RIT2: variants seen among roughly 807,000 people sequenced by gnomAD.
The protein encoded by RIT2 is GTP-binding protein Rit2.
Under a neutral mutation model 23.7 loss-of-function variants are expected in RIT2, and 24 were observed. The observed-to-expected ratio is 1.01, with a 90% CI of 0.73 to 1.43. The LOEUF is 1.43. RIT2 is among the 40% of genes most tolerant of loss of function. The pLI is 0.00. For synonymous variants in RIT2, 107 were observed against 91.1 expected, an observed-to-expected ratio of 1.17 and a Z score of -0.99; for missense variants, 236 against 266.9, an observed-to-expected ratio of 0.88 and a Z score of 0.81.
chr18:43,050,065 C>T (rs1912342425), intron 1 of RIT2, among the ~76,000 whole-genome samples: 1 of 137,044 alleles, frequency 7.3e-6, no homozygotes, highest in African/African-American at 2.7e-5. Context: ...CTTGCTCTGT[C>T]TCCCAGGATG....
At chr18:42,954,503 T>A (rs1909927804) in intron 3 of RIT2, among the ~76,000 whole-genome samples, 1 of 151,448 alleles carries the variant, frequency 6.6e-6, no homozygotes, top group Non-Finnish European at 1.5e-5. Flanking sequence ...TAGAGAGTAA[T>A]CAATTTGATC....
chr18:42,918,402 T>C (rs542100267), intron 4 of RIT2, among the ~76,000 whole-genome samples: 2 of 152,094 alleles, frequency 1.3e-5, no homozygotes, highest in Non-Finnish European at 2.9e-5. Context: ...TATTACAAAA[T>C]GCTATGGAAA....
chr18:42,840,026 C>G lies in RIT2; in HGVS notation c.426+83546G>C, dbSNP rs920742353. On this transcript the variant is annotated intron_variant, in intron 4 of 4. Coordinates refer to ENST00000326695, the MANE Select transcript of RIT2 (RefSeq NM_002930.4). ...TGTCTGTTTTCAACTAAGGGTCAAC[C>G]AAAAAAGGTTGAATGTACACTCTTA... Among the ~76,000 whole-genome samples the G allele has an allele frequency of 3.3e-5, 5 of 152,146 alleles. No homozygotes were observed. The East Asian group carries it at 9.7e-4, about 29-fold the overall frequency.
At chr18:43,061,264 T>C (rs562082628) in intron 1 of RIT2, among the ~76,000 whole-genome samples, 1 of 152,330 alleles carries the variant, frequency 6.6e-6, no homozygotes, top group Non-Finnish European at 1.5e-5. Flanking sequence ...TTATTTTCAC[T>C]AGACTAATAT....
intron 4 of RIT2, among the ~76,000 whole-genome samples, chr18:42,793,607 AAAAC>A (rs532669736): frequency 8.5e-5 from 13 of 152,280 alleles, no homozygotes; most frequent in East Asian, 3.9e-4. Context: ...GTACAGTTAG[AAAAC>A]AAACAAACAA....
chr18:42,864,412 T>C lies in RIT2; in HGVS notation c.426+59160A>G, dbSNP rs1184644802. 2.6e-5 allele frequency among the ~76,000 whole-genome samples: 4 copies of C among 152,206 alleles called. No homozygotes were observed. The East Asian group carries it at 7.7e-4, about 29-fold the overall frequency. On this transcript the variant is annotated intron_variant, in intron 4 of 4. Transcript: ENST00000326695. ...GCCTTTCTGTTGTTGTTATCATTAA[T>C]AGAGTAATTGGGTTTCTATTGCATA...
chr18:42,836,783 A>G (rs2144017450), intron 4 of RIT2, among the ~76,000 whole-genome samples: 1 of 152,284 alleles, frequency 6.6e-6, no homozygotes, highest in East Asian at 1.9e-4. Flanking sequence ...CTCCCTTCAG[A>G]AGGAAAAGAG....
chr18:43,070,132 T>C (rs931197747), intron 1 of RIT2, among the ~76,000 whole-genome samples: 1 of 151,504 alleles, frequency 6.6e-6, no homozygotes, highest in Admixed American at 6.6e-5. Context: ...AAAATAAGAG[T>C]GGGGGGACTT....
intron 1 of RIT2, among the ~76,000 whole-genome samples, chr18:43,095,703 A>G (rs781747700): frequency 1.3e-5 from 2 of 151,990 alleles, no homozygotes; most frequent in African/African-American, 2.4e-5. Flanking sequence ...ACTTATCTGC[A>G]GTATAACTGC....
At chr18:43,076,260 T>C (rs749692037) in intron 1 of RIT2, among the ~76,000 whole-genome samples, 3 of 152,200 alleles carry the variant, frequency 2.0e-5, no homozygotes, top group Non-Finnish European at 4.4e-5. Context: ...CCAGAATGTG[T>C]TGACCGATTT....
In RIT2 at chr18:42,965,681, A is replaced by G. The variant is rs115476422; in HGVS notation, c.234+8393T>C. Among the ~76,000 whole-genome samples the G allele has an allele frequency of 6.3e-3, 822 of 131,414 alleles. 10 individuals are homozygous for G. The highest frequency in any genetic ancestry group is 0.022 in the African/African-American group (781 of 35,450). 86.2% of individuals were successfully genotyped at this position (131,414 alleles called of 152,430 possible). ...TAAAGAAATATAAAAATATAAAAAT[A>G]TGGTGGTAAACAAAGATGTGTACTG... is the stretch of plus-strand genomic sequence containing the variant. On this transcript the variant is annotated intron_variant, in intron 3 of 4. Transcript: ENST00000326695.
chr18:42,841,127 GA>G (rs1906756574), intron 4 of RIT2, among the ~76,000 whole-genome samples: 1 of 152,098 alleles, frequency 6.6e-6, no homozygotes, highest in Non-Finnish European at 1.5e-5. Flanking sequence ...AAATGAGAAA[GA>G]ATGAATGATG....
chr18:42,824,797 G>C (rs995175901), intron 4 of RIT2, among the ~76,000 whole-genome samples: 2 of 151,226 alleles, frequency 1.3e-5, no homozygotes, highest in African/African-American at 4.8e-5. Flanking sequence ...TTAATTATGA[G>C]AGAAAAAAAC....
intron 1 of RIT2, among the ~76,000 whole-genome samples, chr18:43,107,998 C>T (rs1383280558): frequency 1.4e-5 from 1 of 73,184 alleles, no homozygotes; most frequent in Non-Finnish European, 2.7e-5. Context: ...CCCGTCTCTA[C>T]TAAAAATACA....
intron 4 of RIT2, among the ~76,000 whole-genome samples, chr18:42,855,409 A>T (rs1471712865): frequency 6.6e-6 from 1 of 152,228 alleles, no homozygotes; most frequent in Non-Finnish European, 1.5e-5. Flanking sequence ...TACAATTATA[A>T]GAGAGGTTAA....
At chr18:43,039,501 A>C (rs1912077052) in intron 1 of RIT2, among the ~76,000 whole-genome samples, 1 of 151,758 alleles carries the variant, frequency 6.6e-6, no homozygotes. Context: ...GGCATGTGAC[A>C]CCATGCCCGA....
chr18:42,918,858 T>C (rs1490408733), intron 4 of RIT2, among the ~76,000 whole-genome samples: 1 of 152,134 alleles, frequency 6.6e-6, no homozygotes, highest in Non-Finnish European at 1.5e-5. Flanking sequence ...AAAATAACCG[T>C]CACCATTCAC....
At chr18:42,907,065 A>G (rs1351891233) in intron 4 of RIT2, among the ~76,000 whole-genome samples, 1 of 152,194 alleles carries the variant, frequency 6.6e-6, no homozygotes, top group Non-Finnish European at 1.5e-5. Context: ...TAACAAAAAT[A>G]AAAGTAAATT....
intron 2 of RIT2, among the ~76,000 whole-genome samples, chr18:42,990,201 C>T (rs1340227235): frequency 2.0e-5 from 3 of 152,012 alleles, no homozygotes; most frequent in African/African-American, 7.3e-5. Flanking sequence ...ACTTCCAGTT[C>T]AAACAAAGGA....
Sources: allele counts gnomAD v4.1 joint callset (sites outside exome capture counted in the v4.1 genomes callset), GRCh38; gene constraint gnomAD v4.1.1; transcripts MANE v1.5; gene names NCBI Gene and HGNC (gene_info 2026-07-23, HGNC 2026-07-21).